TARBP1: variants seen among roughly 807,000 people sequenced by gnomAD.
The protein encoded by TARBP1 is tRNA guanosine 2 -O-methyltransferase TARBP1, also known as tRNA (guanosine(18)-2'-O)-methyltransferase TARBP1.
A neutral mutation model predicts 178.6 loss-of-function variants in TARBP1; 144 were observed. The observed-to-expected ratio is 0.81, with a 90% CI of 0.70 to 0.93. The LOEUF (loss-of-function observed/expected upper bound fraction) is 0.93. Ranked by LOEUF, TARBP1 falls within the 40% of genes least tolerant of loss-of-function variation. The pLI, the probability that TARBP1 is intolerant of heterozygous loss-of-function variation, is 0.00. For synonymous variants in TARBP1, 787 were observed against 781.0 expected (o/e 1.01, Z -0.13); for missense variants, 2,067 against 2,011.7 (o/e 1.03, Z -0.53).
rs547450292 is a variant in TARBP1 at position 234,416,462 on chromosome 1, A to G, written c.3705+1622T>C. Among the ~76,000 whole-genome samples the G allele has an allele frequency of 2.0e-4, 30 of 152,092 alleles. No individual in the cohort carries two copies. The South Asian group carries it at 3.1e-3, about 16-fold the overall frequency. On this transcript the variant is annotated intron_variant, in intron 22 of 29. Coordinates refer to ENST00000040877, the MANE Select transcript of TARBP1 (RefSeq NM_005646.4). ...CAGGTGTGCACCACCCCACCTGGCT[A>G]ATTTCTGTATTTTTAGTAGAGACGG... is the stretch of plus-strand genomic sequence containing the variant.
Position 234,446,805 on chromosome 1 carries a change from T to C in TARBP1, c.2132A>G (p.Asp711Gly), listed in dbSNP as rs774912288. ...CAAGAGAAACAACTTATCCTCACCA[T>C]CTTGGGCACTGGAACCTTTCAACCT... ...TCRLKGSSAQ[D>G]DEVSTVLQNF... The change falls in exon 12 of 30, where the codon GAT (aspartate) becomes GGT (glycine). Residue 711 changes from aspartate to glycine, a missense_variant and splice_region_variant. By Grantham distance (94) the Asp-to-Gly change is moderately conservative. Transcript: ENST00000040877. 14 of 1,613,700 alleles carry C rather than the reference T, an allele frequency of 8.7e-6. No homozygotes were observed. In the Admixed American group the frequency reaches 2.0e-4, roughly 23 times the overall value.
intron 22 of TARBP1, among the ~76,000 whole-genome samples, chr1:234,413,774 G>A (rs760802791): frequency 8.5e-5 from 13 of 152,304 alleles, no homozygotes; most frequent in African/African-American, 1.4e-4. Context: ...AAGAGTGGAT[G>A]TAGGCAGCCC....
At chr1:234,434,298 C>T (rs1015215119) in intron 13 of TARBP1, among the ~76,000 whole-genome samples, 5 of 152,174 alleles carry the variant, frequency 3.3e-5, no homozygotes, top group Admixed American at 2.6e-4. Context: ...GAAATTATTA[C>T]TATATTAATA....
chr1:234,461,541 A>G (rs1359063972), intron 6 of TARBP1, among the ~76,000 whole-genome samples: 1 of 152,220 alleles, frequency 6.6e-6, no homozygotes, highest in Non-Finnish European at 1.5e-5. Flanking sequence ...TCCCAACCTC[A>G]GGTGATCTGC....
chr1:234,472,733 T>G lies in TARBP1; in HGVS notation c.1010A>C (p.Glu337Ala). The G allele has an allele frequency of 6.3e-7, 1 of 1,597,036 alleles. No individual in the cohort carries two copies. Among genetic ancestry groups the G allele is most frequent in the Non-Finnish European group, 8.5e-7 (1 of 1,173,898 alleles). The change falls in exon 2 of 30, where the codon GAG becomes GCG. Residue 337 changes from glutamate to alanine, a missense_variant. Coordinates refer to ENST00000040877, the MANE Select transcript of TARBP1 (RefSeq NM_005646.4). The part of the protein sequence containing the change: ...KFWENYILIM[E>A]TLEGNQIHVI... ...ACTTACCTGATTTCCTTCTAAAGTC[T>G]CCATAATTAAAATATAATTTTCCCA... is the stretch of plus-strand genomic sequence containing the variant.
intron 26 of TARBP1, among the ~76,000 whole-genome samples, chr1:234,394,246 CTA>C (rs1659694037): frequency 6.6e-6 from 1 of 152,134 alleles, no homozygotes; most frequent in South Asian, 2.1e-4. Flanking sequence ...TATGGAAAGA[CTA>C]TTTCTGAAAA....
chr1:234,460,223 G>A, intron 7 of TARBP1, 38 bp downstream of exon 7: 1 of 1,567,264 alleles, frequency 6.4e-7, no homozygotes. Context: ...GAAAGTCATG[G>A]CAAATAACCA....
rs888663356 is a variant in TARBP1, at chr1:234,459,327, C to T, written c.1536-1G>A. 12 of 1,601,094 alleles carry T rather than the reference C, an allele frequency of 7.5e-6. No individual in the cohort carries two copies. Among genetic ancestry groups the T allele is most frequent in the Non-Finnish European group, 8.5e-6 (10 of 1,175,234 alleles). On this transcript the variant is annotated splice_acceptor_variant, in intron 7 of 29. Transcript: ENST00000040877. LOFTEE classifies it high-confidence loss of function. Reference sequence around the variant, plus strand: ...GATCATAGTGCAATGAATAACATCCCTGACATCGAAACACAAAAAATGCAG... The same window carrying T: ...GATCATAGTGCAATGAATAACATCCTTGACATCGAAACACAAAAAATGCAG...
In TARBP1 at chr1:234,478,750, G is replaced by A; in HGVS notation, c.354C>T (p.Ala118=). 1 of 1,165,642 alleles carries A rather than the reference G, an allele frequency of 8.6e-7. No homozygotes were observed. Among genetic ancestry groups the A allele is most frequent in the Non-Finnish European group, 1.1e-6 (1 of 946,876 alleles). 72.2% of individuals were successfully genotyped at this position (1,165,642 alleles called of 1,614,324 possible). ...CGCGCAGCGCCTCCTCAGCCAGCGC[G>A]GCCGCCAGCTGCGGACGCCCGGCCA... ...VRLAGRPQLA[A]ALAEEALRDL... The change falls in exon 1 of 30, where the codon GCC becomes GCT. Residue 118 remains alanine (A), a synonymous_variant. Transcript: ENST00000040877.
Position 234,404,588 on chromosome 1 carries a change from T to C in TARBP1, c.3989+1315A>G, listed in dbSNP as rs143714960. ...AAGATTTTTAGTTTTCAGAGGACAG[T>C]TGGAATTGTAGGGGTCCCTGGCAAT... On this transcript the variant is annotated intron_variant, in intron 24 of 29. Coordinates refer to ENST00000040877, the MANE Select transcript of TARBP1 (RefSeq NM_005646.4). 8.2e-3 allele frequency among the ~76,000 whole-genome samples: 1,245 copies of C among 152,276 alleles called. 17 individuals are homozygous for C. The highest frequency in any genetic ancestry group is 0.028 in the African/African-American group (1,181 of 41,564).
chr1:234,470,639 C>CA (rs138782511), intron 3 of TARBP1, among the ~76,000 whole-genome samples: 1 of 149,282 alleles, frequency 6.7e-6, no homozygotes, highest in South Asian at 2.1e-4. Flanking sequence ...TTTTTTGAGA[C>CA]GGAGTCTTGC....
chr1:234,459,424 T>A, intron 7 of TARBP1, 98 bp from the exon 8 acceptor site: 6 of 888,970 alleles, frequency 6.7e-6, no homozygotes, highest in Non-Finnish European at 1.0e-5. Flanking sequence ...CTACACTTCC[T>A]AATGCAGAAA....
intron 26 of TARBP1, among the ~76,000 whole-genome samples, chr1:234,396,523 T>A (rs1337734319): frequency 6.6e-6 from 1 of 152,170 alleles, no homozygotes. Flanking sequence ...CTGTGTTAGG[T>A]ACGTGCTCCC....
At position 234,427,753 on chromosome 1, in the gene TARBP1, A is replaced by T; in HGVS notation, c.3074T>A (p.Ile1025Lys). The T allele has an allele frequency of 7.0e-7, 1 of 1,424,544 alleles. No homozygotes were observed. Among genetic ancestry groups the T allele is most frequent in the Non-Finnish European group, 9.2e-7 (1 of 1,086,610 alleles). The allele number at this position is 1,424,544 out of a possible 1,614,324, so 88.2% of individuals were successfully genotyped here. The change falls in exon 18 of 30, where the codon ATA becomes AAA. Residue 1025 changes from isoleucine (I) to lysine (K), a missense_variant. Coordinates refer to ENST00000040877, the MANE Select transcript of TARBP1 (RefSeq NM_005646.4). ...AGTCTTTATAGCAGACATTTCAATT[A>T]TCTTGTACATAATCTGGAATAAAAT... is the stretch of plus-strand genomic sequence containing the variant. ...YFKIKEIMYKIIEMSAIKTGV... is the reference protein window; with the variant it reads ...YFKIKEIMYKKIEMSAIKTGV...
At chr1:234,403,344 A>G (rs1178444039) in intron 24 of TARBP1, among the ~76,000 whole-genome samples, 1 of 152,084 alleles carries the variant, frequency 6.6e-6, no homozygotes, top group Admixed American at 6.6e-5. Flanking sequence ...GCTCCTATTC[A>G]TGCTTTAGAT....
chr1:234,435,118 AG>A (rs1664867545), intron 13 of TARBP1, among the ~76,000 whole-genome samples: 2 of 152,212 alleles, frequency 1.3e-5, no homozygotes, highest in South Asian at 4.1e-4. Flanking sequence ...ATAGGGCGCT[AG>A]AAGGGAACAT....
At chr1:234,431,106 A>G (rs1664390055) in intron 14 of TARBP1, among the ~76,000 whole-genome samples, 2 of 152,344 alleles carry the variant, frequency 1.3e-5, no homozygotes, top group South Asian at 4.1e-4. Flanking sequence ...AGAAAACAAC[A>G]GCACTGAGAG....
At chr1:234,435,233 T>C (rs1207005778) in intron 13 of TARBP1, among the ~76,000 whole-genome samples, 4 of 152,168 alleles carry the variant, frequency 2.6e-5, no homozygotes, top group African/African-American at 9.6e-5. Context: ...GCAGATCACC[T>C]GAGGTCAGGG....
chr1:234,457,373 A>G (rs1280470540), intron 9 of TARBP1, among the ~76,000 whole-genome samples: 1 of 152,194 alleles, frequency 6.6e-6, no homozygotes, highest in Non-Finnish European at 1.5e-5. Flanking sequence ...TGAGTCTAAC[A>G]TCGCCATTAT....
Sources: gnomAD v4.1 joint callset for allele counts (sites outside exome capture counted in the v4.1 genomes callset) on GRCh38, gnomAD v4.1.1 for gene constraint, MANE v1.5 for transcripts, NCBI Gene and HGNC (gene_info 2026-07-23, HGNC 2026-07-21) for gene names.